The following BEND2 variants were observed in gnomAD, a reference collection of about 807,000 sequenced individuals.
BEND2 encodes BEN domain-containing protein 2.
In BEND2, 19 loss-of-function variants were observed where a neutral mutation model predicts 43.8. The ratio of observed to expected loss-of-function variants is 0.43; its 90% CI spans 0.30 to 0.64. The LOEUF is 0.64. Among genes scored for constraint, BEND2 ranks in the 30% least tolerant of loss-of-function variants. The pLI is 0.11. For synonymous variants in BEND2, 226 were observed against 210.1 expected (o/e 1.08, Z -0.66); for missense variants, 544 against 574.0 (o/e 0.95, Z 0.53).
chrX:18,173,945 C>T, intron 12 of BEND2, 85 bp downstream of exon 12: 1 of 813,129 alleles, frequency 1.2e-6, no homozygotes, highest in Non-Finnish European at 1.7e-6. Context: ...GAGAATAGTA[C>T]AATGAACCCC....
At chrX:18,182,483 A>G (rs112532080) in intron 8 of BEND2, among the ~76,000 whole-genome samples, 2,485 of 111,653 alleles carry the variant, frequency 0.022, 76 homozygotes, top group African/African-American at 0.077. Flanking sequence ...TTAATCCAAA[A>G]AAAAGAAAGC....
chrX:18,206,966 G>A (rs990080794), intron 4 of BEND2, among the ~76,000 whole-genome samples: 1 of 111,970 alleles, frequency 8.9e-6, no homozygotes, highest in African/African-American at 3.2e-5. Flanking sequence ...GAGCAATGGA[G>A]AGGAGCCATT....
At chrX:18,219,723 T>C (rs1326056405) in intron 1 of BEND2, among the ~76,000 whole-genome samples, 2 of 111,329 alleles carry the variant, frequency 1.8e-5, no homozygotes, top group Non-Finnish European at 3.8e-5. Context: ...GTGGGCAACA[T>C]GACGAAATCC....
At chrX:18,174,487 C>T (rs1234300652) in intron 11 of BEND2, among the ~76,000 whole-genome samples, 3 of 112,324 alleles carry the variant, frequency 2.7e-5, no homozygotes, top group African/African-American at 9.7e-5. Flanking sequence ...GATTTTGTAG[C>T]TCTGTCTAAG....
At chrX:18,176,275 C>A (rs1268472541) in intron 10 of BEND2, among the ~76,000 whole-genome samples, 182 bp from the exon 11 acceptor site, 1 of 107,520 alleles carries the variant, frequency 9.3e-6, no homozygotes, top group Non-Finnish European at 1.9e-5. Context: ...TTTAGAAATT[C>A]CACCCAATGA....
chrX:18,207,887 C>T (rs997148340), intron 4 of BEND2, among the ~76,000 whole-genome samples: 5 of 111,195 alleles, frequency 4.5e-5, no homozygotes, highest in African/African-American at 9.8e-5. Flanking sequence ...GGTGTGGTGG[C>T]GCACGCCTGT....
intron 10 of BEND2, among the ~76,000 whole-genome samples, chrX:18,177,259 C>CT (rs3082649): frequency 0.13 from 7,057 of 56,129 alleles, 500 homozygotes; most frequent in Middle Eastern, 0.18. Context: ...GAGCTTTTTC[C>CT]TTTTTTTTTT....
intron 6 of BEND2, among the ~76,000 whole-genome samples, chrX:18,201,427 A>AAAAAAAAAAAAAAAAAAAAAAAC (rs1925156313): frequency 1.2e-5 from 1 of 86,428 alleles, no homozygotes; most frequent in African/African-American, 4.3e-5. Context: ...ACAAAAAAAA[A>AAAAAAAAAAAAAAAAAAAAAAAC]AAAACTGGTG....
intron 2 of BEND2, among the ~76,000 whole-genome samples, chrX:18,215,113 A>T (rs1299014231): frequency 2.7e-5 from 3 of 111,882 alleles, no homozygotes; most frequent in Non-Finnish European, 5.6e-5. Flanking sequence ...CACTATTTTG[A>T]TATAATGATG....
In BEND2 at chrX:18,201,396, C is replaced by CAA. The variant is rs1227049211; in HGVS notation, c.1033+417_1033+418dup. On this transcript the variant is annotated intron_variant, in intron 6 of 13. Transcript: ENST00000380033. ...GGGCAACAAGAGCAAAACTCCATCT[C>CAA]AAAAAAAAAAAAAAAAAAAAACAAA... Among the ~76,000 whole-genome samples, 132 of 20,579 alleles carry CAA rather than the reference C, an allele frequency of 6.4e-3. 2 individuals carry two copies. Among genetic ancestry groups the CAA allele is most frequent in the East Asian group, 0.02 (4 of 205 alleles). 17.9% of individuals were successfully genotyped at this position (20,579 alleles called of 115,157 possible). A position where few individuals can be genotyped will look rare whatever the true frequency, so the allele number is the denominator to read the frequency against.
At chrX:18,190,928 C>T in intron 8 of BEND2, 73 bp downstream of exon 8, 4 of 918,668 alleles carry the variant, frequency 4.4e-6, no homozygotes, top group Non-Finnish European at 4.5e-6. Flanking sequence ...GGTAAAGGTA[C>T]ACAAGATCTC....
At chrX:18,220,360 C>T (rs966110349) in intron 1 of BEND2, among the ~76,000 whole-genome samples, 9 of 112,576 alleles carry the variant, frequency 8.0e-5, no homozygotes, top group African/African-American at 2.9e-4. Flanking sequence ...AACCGCGGGC[C>T]AGAGGGCAAC....
intron 6 of BEND2, among the ~76,000 whole-genome samples, chrX:18,198,908 T>C (rs1925049030): frequency 9.4e-6 from 1 of 106,726 alleles, no homozygotes; most frequent in Non-Finnish European, 1.9e-5. Context: ...TGTAGGGACA[T>C]GGATGAAATT....
At chrX:18,176,515 T>C (rs1444014363) in intron 10 of BEND2, among the ~76,000 whole-genome samples, 2 of 108,726 alleles carry the variant, frequency 1.8e-5, no homozygotes, top group African/African-American at 3.4e-5. Context: ...CCCATCTCTA[T>C]AAAAAATACA....
chrX:18,166,338 G>T (rs1923821274), intron 13 of BEND2, among the ~76,000 whole-genome samples: 1 of 111,794 alleles, frequency 8.9e-6, no homozygotes, highest in South Asian at 3.8e-4. Context: ...AGTCATAAAA[G>T]AAGTTTCTTG....
rs771829392 is a variant in BEND2, at chrX:18,220,709, A to G, written c.25+17T>C. The G allele has an allele frequency of 8.3e-7, 1 of 1,210,530 alleles. No homozygotes were observed. The highest frequency in any genetic ancestry group is 1.8e-5 in the South Asian group (1 of 56,884). On this transcript the variant is annotated intron_variant, in intron 1 of 13. Coordinates refer to ENST00000380033, the MANE Select transcript of BEND2 (RefSeq NM_153346.5). Reference sequence around the variant, plus strand: ...GAGGCCCAAGCTAGCGGGCCAGTTGAGGCGAGGTCACTTTACCCTGTTCCT... The same window carrying G: ...GAGGCCCAAGCTAGCGGGCCAGTTGGGGCGAGGTCACTTTACCCTGTTCCT...
In BEND2 at chrX:18,177,559, G is replaced by C. The variant is rs1195728581; in HGVS notation, c.1630+10C>G. On this transcript the variant is annotated intron_variant, in intron 10 of 13. Coordinates refer to ENST00000380033, the MANE Select transcript of BEND2 (RefSeq NM_153346.5). ...AAATAAGATTCCATTATCACTTTAT[G>C]TACACATACCTCTCAATGCAGCCAT... 2 of 1,199,577 alleles carry C rather than the reference G, an allele frequency of 1.7e-6. No homozygotes were observed. The highest frequency in any genetic ancestry group is 4.4e-5 in the Admixed American group (2 of 45,891).
intron 6 of BEND2, among the ~76,000 whole-genome samples, chrX:18,195,842 A>C (rs1231655738): frequency 1.0e-5 from 1 of 100,297 alleles, no homozygotes; most frequent in Non-Finnish European, 2.0e-5. Context: ...GCACCACTGC[A>C]CTCCAGCCTG....
intron 7 of BEND2, among the ~76,000 whole-genome samples, chrX:18,194,054 A>C (rs1163658405): frequency 9.0e-6 from 1 of 111,725 alleles, no homozygotes; most frequent in Non-Finnish European, 1.9e-5. Context: ...CTATACGAAA[A>C]CCTTCAAACA....
Sources: allele counts gnomAD v4.1 joint callset (sites outside exome capture counted in the v4.1 genomes callset), GRCh38; gene constraint gnomAD v4.1.1; transcripts MANE v1.5; gene names NCBI Gene and HGNC (gene_info 2026-07-23, HGNC 2026-07-21).